The following GRM8 variants were observed in gnomAD, a reference collection of about 807,000 sequenced individuals.
GRM8 encodes glutamate metabotropic receptor 8, also known as metabotropic glutamate receptor 8.
In GRM8, 47 loss-of-function variants were observed where a neutral mutation model predicts 87.2. The observed-to-expected ratio is 0.54, with a 90% CI of 0.43 to 0.69. GRM8 has a LOEUF of 0.69. Ranked by LOEUF, GRM8 falls within the 30% of genes least tolerant of loss-of-function variation. GRM8 has a pLI of 0.00. For synonymous variants in GRM8, 396 were observed against 404.5 expected (o/e 0.98, Z 0.25); for missense variants, 1,019 against 1,139.2 (o/e 0.89, Z 1.52).
At chr7:126,508,943 T>C (rs1048485532) in intron 9 of GRM8, among the ~76,000 whole-genome samples, 6 of 152,078 alleles carry the variant, frequency 3.9e-5, no homozygotes, top group Non-Finnish European at 7.4e-5. Flanking sequence ...TAATTATAAA[T>C]GGAGGGCATC....
intron 7 of GRM8, among the ~76,000 whole-genome samples, chr7:126,752,860 ACT>A (rs1174122814): frequency 1.3e-5 from 2 of 151,456 alleles, no homozygotes; most frequent in East Asian, 1.9e-4. Flanking sequence ...AATTAGTCCC[ACT>A]CTCCTCCTCT....
chr7:126,790,280 T>C lies in GRM8; in HGVS notation c.1157-20215A>G, dbSNP rs372411401. 1.7e-4 allele frequency among the ~76,000 whole-genome samples: 26 copies of C among 152,344 alleles called. No individual in the cohort carries two copies. In the East Asian group the frequency reaches 3.9e-3, roughly 23 times the overall value. On this transcript the variant is annotated intron_variant, in intron 6 of 10. Coordinates refer to ENST00000339582, the MANE Select transcript of GRM8 (RefSeq NM_000845.3). ...GCCTCAGCCTCCCGAAGTGCTGGAATTACAGGCATGAGCCACCACAAGTGG... is the reference window on the plus strand; with the variant it reads ...GCCTCAGCCTCCCGAAGTGCTGGAACTACAGGCATGAGCCACCACAAGTGG...
At chr7:126,668,534 C>T (rs971988266) in intron 7 of GRM8, among the ~76,000 whole-genome samples, 7 of 152,138 alleles carry the variant, frequency 4.6e-5, no homozygotes, top group African/African-American at 1.7e-4. Flanking sequence ...CACCCCCATC[C>T]CTGCCAGCAC....
At position 126,581,643 on chromosome 7, in the gene GRM8, T is replaced by C. The variant is rs1363924835; in HGVS notation, c.1494+27719A>G. On this transcript the variant is annotated intron_variant, in intron 8 of 10. Coordinates refer to ENST00000339582, the MANE Select transcript of GRM8 (RefSeq NM_000845.3). Reference sequence around the variant, plus strand: ...ATTACGGTGCTTTTTTTTATTGTACTTCACTGATAGCATGTTTTTTTGCAA... The same window carrying C: ...ATTACGGTGCTTTTTTTTATTGTACCTCACTGATAGCATGTTTTTTTGCAA... Among the ~76,000 whole-genome samples the C allele has an allele frequency of 3.3e-5, 5 of 152,260 alleles. 1 individual carries two copies. The highest frequency in any genetic ancestry group is 1.2e-4 in the African/African-American group (5 of 41,568).
At chr7:126,532,884 G>A (rs1815076037) in intron 9 of GRM8, 68 bp downstream of exon 9, 3 of 908,308 alleles carry the variant, frequency 3.3e-6, no homozygotes, top group Non-Finnish European at 5.1e-6. Context: ...AATAAAAGGA[G>A]GAAAAGCATC....
intron 3 of GRM8, among the ~76,000 whole-genome samples, chr7:127,029,517 CT>C (rs1817143718): frequency 6.6e-6 from 1 of 152,130 alleles, no homozygotes; most frequent in African/African-American, 2.4e-5. Flanking sequence ...CTGGGTGCTC[CT>C]GTATTGGGTG....
intron 7 of GRM8, among the ~76,000 whole-genome samples, chr7:126,637,491 A>G (rs1174429861): frequency 1.3e-5 from 2 of 152,292 alleles, no homozygotes; most frequent in African/African-American, 4.8e-5. Context: ...AGTTAAATAA[A>G]TAAATAAATA....
At chr7:126,778,360 G>T (rs1006015800) in intron 6 of GRM8, among the ~76,000 whole-genome samples, 1 of 152,144 alleles carries the variant, frequency 6.6e-6, no homozygotes, top group Admixed American at 6.6e-5. Context: ...TCAGGCAGGT[G>T]CCAGGTGTCC....
intron 3 of GRM8, among the ~76,000 whole-genome samples, chr7:127,104,142 C>T (rs922119196): frequency 6.6e-6 from 1 of 152,048 alleles, no homozygotes; most frequent in African/African-American, 2.4e-5. Context: ...ATCGATGTTG[C>T]TAAAGAGAAA....
chr7:126,842,595 A>T (rs1796377631), intron 6 of GRM8, among the ~76,000 whole-genome samples: 1 of 152,196 alleles, frequency 6.6e-6, no homozygotes, highest in South Asian at 2.1e-4. Flanking sequence ...TAAAATAAGA[A>T]GATTACCCTG....
At chr7:127,195,520 C>G (rs373230185) in intron 2 of GRM8, among the ~76,000 whole-genome samples, 2 of 152,238 alleles carry the variant, frequency 1.3e-5, no homozygotes, top group East Asian at 1.9e-4. Flanking sequence ...ATTCAGCAAC[C>G]CTAATTATCC....
At chr7:126,889,961 G>A (rs1375776783) in intron 6 of GRM8, among the ~76,000 whole-genome samples, 1 of 152,054 alleles carries the variant, frequency 6.6e-6, no homozygotes, top group Non-Finnish European at 1.5e-5. Context: ...AAAAATTGTT[G>A]TTCTATAGGT....
rs1050502191 is a variant in GRM8 at position 126,533,666 on chromosome 7, G to C, written c.1716C>G (p.Ile572Met). ...PNMNRTGCQL[I>M]PIIKLEWHSP... ...AATGCCACTCCAATTTGATGATGGG[G>C]ATAAGCTGGCAGCCTGTGCGGTTCA... Residue 572 changes from isoleucine (I) to methionine (M), a missense_variant, in exon 9 of 11, where the codon ATC becomes ATG. Transcript: ENST00000339582. 1 of 1,613,890 alleles carries C rather than the reference G, an allele frequency of 6.2e-7. No individual in the cohort carries two copies. Among genetic ancestry groups the C allele is most frequent in the African/African-American group, 1.3e-5 (1 of 74,896 alleles).
At chr7:126,475,020 T>C (rs918836210) in intron 9 of GRM8, among the ~76,000 whole-genome samples, 1 of 152,142 alleles carries the variant, frequency 6.6e-6, no homozygotes, top group Non-Finnish European at 1.5e-5. Flanking sequence ...TCACAGCTAA[T>C]GTCATACTTC....
intron 2 of GRM8, among the ~76,000 whole-genome samples, chr7:127,136,825 A>G (rs1278865390): frequency 7.9e-5 from 12 of 151,880 alleles, no homozygotes; most frequent in Non-Finnish European, 1.6e-4. Context: ...TGTACCAAGC[A>G]GAAGGGCTCC....
At chr7:127,144,492 A>C (rs192292140) in intron 2 of GRM8, among the ~76,000 whole-genome samples, 2 of 152,252 alleles carry the variant, frequency 1.3e-5, no homozygotes, top group Non-Finnish European at 2.9e-5. Flanking sequence ...AAACACAATC[A>C]GCATATGTTT....
chr7:127,223,088 C>T (rs1473551850), intron 2 of GRM8, among the ~76,000 whole-genome samples: 3 of 152,120 alleles, frequency 2.0e-5, no homozygotes, highest in Non-Finnish European at 4.4e-5. Flanking sequence ...ATGTTCTCTT[C>T]CCTGTTTCTC....
chr7:126,584,409 G>T (rs905678700), intron 8 of GRM8, among the ~76,000 whole-genome samples: 3 of 152,012 alleles, frequency 2.0e-5, no homozygotes, highest in Non-Finnish European at 4.4e-5. Flanking sequence ...ATTTTTAGTG[G>T]AGACAGGGAC....
At chr7:127,145,592 T>C (rs1399858427) in intron 2 of GRM8, among the ~76,000 whole-genome samples, 6 of 152,160 alleles carry the variant, frequency 3.9e-5, no homozygotes, top group African/African-American at 1.2e-4. Context: ...GGGTAGCTAA[T>C]TGTGTCAAAT....
Sources: gnomAD v4.1 joint callset for allele counts (sites outside exome capture counted in the v4.1 genomes callset) on GRCh38, gnomAD v4.1.1 for gene constraint, MANE v1.5 for transcripts, NCBI Gene and HGNC (gene_info 2026-07-23, HGNC 2026-07-21) for gene names.